CAMSAP2: variants seen among roughly 807,000 people sequenced by gnomAD.
CAMSAP2 encodes calmodulin regulated spectrin associated protein family member 2.
In CAMSAP2, 26 loss-of-function variants were observed where a neutral mutation model predicts 146.1. The observed-to-expected ratio is 0.18, with a 90% CI of 0.13 to 0.25. The LOEUF (loss-of-function observed/expected upper bound fraction) is 0.25. Among genes scored for constraint, CAMSAP2 ranks in the 10% least tolerant of loss-of-function variants. The probability of loss-of-function intolerance (pLI) is 1.00; values close to 1 mark genes in which losing one functional copy is unlikely to be tolerated. For missense variants in CAMSAP2, 1,381 were observed against 1,759.3 expected (o/e 0.78, Z 3.85); for synonymous variants, 499 against 596.6 (o/e 0.84, Z 2.38).
intron 4 of CAMSAP2, among the ~76,000 whole-genome samples, chr1:200,829,048 G>A (rs1379241474): frequency 1.3e-5 from 2 of 151,960 alleles, no homozygotes; most frequent in Non-Finnish European, 2.9e-5. Context: ...CCAGCTACTC[G>A]GGAGGCTGAG....
chr1:200,812,101 T>G (rs1322997681), intron 3 of CAMSAP2, among the ~76,000 whole-genome samples: 2 of 152,190 alleles, frequency 1.3e-5, no homozygotes, highest in African/African-American at 2.4e-5. Flanking sequence ...TTCATAGCAC[T>G]TTTCAGACTA....
At chr1:200,843,415 G>A (rs796449850) in intron 7 of CAMSAP2, among the ~76,000 whole-genome samples, 2 of 152,240 alleles carry the variant, frequency 1.3e-5, no homozygotes, top group East Asian at 1.9e-4. Flanking sequence ...TCTGAATATC[G>A]AGTCACTATA....
At chr1:200,766,725 C>G (rs1012198255) in intron 2 of CAMSAP2, among the ~76,000 whole-genome samples, 2 of 152,102 alleles carry the variant, frequency 1.3e-5, no homozygotes, top group Non-Finnish European at 2.9e-5. Flanking sequence ...TTCTTAACCA[C>G]TAAATTGTAT....
chr1:200,854,357 A>G (rs1246781529), intron 13 of CAMSAP2, among the ~76,000 whole-genome samples: 2 of 152,198 alleles, frequency 1.3e-5, no homozygotes. Context: ...ATTAAAACCA[A>G]ATGCCATGGA....
intron 2 of CAMSAP2, among the ~76,000 whole-genome samples, chr1:200,773,943 AAAATAAAAT>A (rs1027999691): frequency 6.6e-6 from 1 of 150,870 alleles, no homozygotes; most frequent in African/African-American, 2.4e-5. Context: ...AAAATAAAAT[AAAATAAAAT>A]AAATTATTGG....
chr1:200,820,240 T>C (rs1259421385), intron 4 of CAMSAP2, among the ~76,000 whole-genome samples: 1 of 151,944 alleles, frequency 6.6e-6, no homozygotes, highest in Admixed American at 6.6e-5. Flanking sequence ...TTTTGTGTAT[T>C]TTTAGTGGAG....
intron 2 of CAMSAP2, among the ~76,000 whole-genome samples, chr1:200,766,939 A>G (rs1664970627): frequency 6.6e-6 from 1 of 152,160 alleles, no homozygotes; most frequent in African/African-American, 2.4e-5. Context: ...CATGTACCTT[A>G]GGAGTAATTA....
At chr1:200,781,448 G>A (rs7520287) in intron 2 of CAMSAP2, among the ~76,000 whole-genome samples, 110,330 of 152,024 alleles carry the variant, frequency 0.73, 40,118 homozygotes, top group Middle Eastern at 0.78. Context: ...TGAAAAATAC[G>A]TATGTTCTGT....
chr1:200,798,932 GT>G (rs1198514876), intron 2 of CAMSAP2, among the ~76,000 whole-genome samples: 4 of 151,462 alleles, frequency 2.6e-5, no homozygotes, highest in African/African-American at 9.7e-5. Flanking sequence ...TAATCATGTG[GT>G]TTTTGTCTTT....
chr1:200,792,880 A>G (rs1365599507), intron 2 of CAMSAP2, among the ~76,000 whole-genome samples: 1 of 152,066 alleles, frequency 6.6e-6, no homozygotes, highest in Non-Finnish European at 1.5e-5. Flanking sequence ...ATATTGTACT[A>G]TGGTTTTGCA....
In CAMSAP2 at chr1:200,797,178, A is replaced by G. The variant is rs1373545037; in HGVS notation, c.400-10198A>G. ...CAGAATGATTTATAGTCCTTTGGGT[A>G]TATACCCAGTAATGGGATGGCTGGG... On this transcript the variant is annotated intron_variant, in intron 2 of 16. Transcript: ENST00000358823. Among the ~76,000 whole-genome samples, 6 of 151,566 alleles carry G rather than the reference A, an allele frequency of 4.0e-5. No homozygotes were observed. The East Asian group carries it at 5.9e-4, about 15-fold the overall frequency.
At chr1:200,777,027 A>C (rs1250671161) in intron 2 of CAMSAP2, among the ~76,000 whole-genome samples, 1 of 152,170 alleles carries the variant, frequency 6.6e-6, no homozygotes, top group Admixed American at 6.6e-5. Context: ...GCTCCTCTTA[A>C]TACCTTATTT....
chr1:200,841,051 T>C (rs1314885075), intron 6 of CAMSAP2, among the ~76,000 whole-genome samples: 1 of 152,182 alleles, frequency 6.6e-6, no homozygotes, highest in Non-Finnish European at 1.5e-5. Flanking sequence ...TAAAAAATTA[T>C]TTACATTTTA....
chr1:200,824,972 CTG>C (rs1249006972), intron 4 of CAMSAP2, among the ~76,000 whole-genome samples: 2 of 152,078 alleles, frequency 1.3e-5, no homozygotes, highest in South Asian at 2.1e-4. Flanking sequence ...GAGTGAGACT[CTG>C]TCTCAAATAA....
chr1:200,812,770 G>GC (rs1666368034), intron 3 of CAMSAP2, among the ~76,000 whole-genome samples: 1 of 152,182 alleles, frequency 6.6e-6, no homozygotes, highest in East Asian at 1.9e-4. Context: ...ATTGAATCAT[G>GC]CAGAGGTACA....
intron 11 of CAMSAP2, 92 bp from the exon 12 acceptor site, chr1:200,852,449 T>C (rs972580978): frequency 9.2e-6 from 13 of 1,416,108 alleles, no homozygotes; most frequent in Non-Finnish European, 1.2e-5. Context: ...CTTTCAGTTA[T>C]AGGACTAACC....
chr1:200,815,637 G>A lies in CAMSAP2; in HGVS notation c.638G>A (p.Gly213Asp), dbSNP rs374737109. The A allele has an allele frequency of 1.3e-6, 2 of 1,551,890 alleles. No individual in the cohort carries two copies. The highest frequency in any genetic ancestry group is 1.7e-6 in the Non-Finnish European group (2 of 1,150,186). Residue 213 changes from glycine (G) to aspartate (D), a missense_variant, in exon 4 of 17, where the codon GGT (glycine) becomes GAT (aspartate). Coordinates refer to ENST00000358823, the MANE Select transcript of CAMSAP2 (RefSeq NM_203459.4). ...CATCACACAGTTGAAGCTCCAGGAG[G>A]TCAAAAGGTATTTATTTCAAAAACA... ...KEHHTVEAPG[G>D]QKARYRKEQT...
chr1:200,742,480 C>T (rs1181067315), intron 1 of CAMSAP2, among the ~76,000 whole-genome samples: 2 of 151,926 alleles, frequency 1.3e-5, no homozygotes, highest in African/African-American at 2.4e-5. Context: ...TATTCTTTAT[C>T]AACAGTCTTT....
intron 2 of CAMSAP2, among the ~76,000 whole-genome samples, chr1:200,785,896 G>A (rs907921917): frequency 1.3e-5 from 2 of 151,538 alleles, no homozygotes; most frequent in Non-Finnish European, 2.9e-5. Flanking sequence ...ATCCATGTTG[G>A]TCAGGCTGGT....
Sources: gnomAD v4.1 joint callset for allele counts (sites outside exome capture counted in the v4.1 genomes callset) on GRCh38, gnomAD v4.1.1 for gene constraint, MANE v1.5 for transcripts, NCBI Gene and HGNC (gene_info 2026-07-23, HGNC 2026-07-21) for gene names.